Variants in EMSY observed in about 807,000 individuals in gnomAD.
EMSY encodes the protein BRCA2-interacting transcriptional repressor EMSY.
Under a neutral mutation model 134.6 loss-of-function variants are expected in EMSY, and 26 were observed. The observed-to-expected ratio is 0.19, with a 90% confidence interval of 0.14 to 0.27. The LOEUF is 0.27. EMSY is among the 10% of genes least tolerant of loss of function. The pLI, the probability that EMSY is intolerant of heterozygous loss-of-function variation, is 1.00. For synonymous variants in EMSY, 579 were observed against 577.8 expected (o/e 1.00, Z -0.03); for missense variants, 1,305 against 1,611.4 (o/e 0.81, Z 3.26).
chr11:76,513,240 A>G, intron 9 of EMSY, 146 bp from the exon 11 acceptor site: 1 of 576,990 alleles, frequency 1.7e-6, no homozygotes, highest in Non-Finnish European at 2.7e-6. Flanking sequence ...TTGAGGAATA[A>G]AAGTTTAGAG....
intron 1 of EMSY, 36 bp from the exon 2 acceptor site, chr11:76,446,864 C>G: frequency 2.1e-6 from 3 of 1,451,708 alleles, no homozygotes; most frequent in Non-Finnish European, 2.9e-6. Flanking sequence ...TACTTTGGTA[C>G]TTTGGTAATT....
intron 10 of EMSY, 22 bp from the exon 12 acceptor site, chr11:76,516,120 T>TTTGGCTTTTCCC (rs751503248): frequency 6.3e-7 from 1 of 1,596,684 alleles, no homozygotes; most frequent in African/African-American, 1.3e-5. Context: ...AAGTTTTTCT[T>TTTGGCTTTTCCC]TTGGCTTTTC....
At chr11:76,527,234 C>CATGCT (rs1950876720) in intron 13 of EMSY, among the ~76,000 whole-genome samples, 1 of 151,908 alleles carries the variant, frequency 6.6e-6, no homozygotes. Context: ...TGAGAAATGC[C>CATGCT]ATCCTAGAAT....
intron 3 of EMSY, 119 bp downstream of exon 3, chr11:76,452,076 G>A (rs1353404314): frequency 3.4e-6 from 2 of 595,808 alleles, no homozygotes; most frequent in Non-Finnish European, 2.8e-6. Context: ...TGTTCAAATT[G>A]TTGGTGCTAA....
In EMSY at chr11:76,545,859, GC is replaced by G; in HGVS notation, c.3338del (p.Pro1113LeufsTer7). On this transcript the variant is annotated frameshift_variant, in exon 20 of 21. Coordinates refer to ENST00000334736, the Ensembl canonical transcript of EMSY. LOFTEE classifies it high-confidence loss of function. ...CAAAGATAACTTTTGAGGGGCGCCAGCCTCCCACAGTTACAAAGATAACTGG... is the reference window on the plus strand; with the variant it reads ...CAAAGATAACTTTTGAGGGGCGCCAGCTCCCACAGTTACAAAGATAACTGG... The G allele has an allele frequency of 6.2e-7, 1 of 1,614,060 alleles. No homozygotes were observed. The highest frequency in any genetic ancestry group is 8.5e-7 in the Non-Finnish European group (1 of 1,179,934).
At chr11:76,472,516 T>G in intron 7 of EMSY, 48 bp from the exon 9 acceptor site, 5 of 1,518,114 alleles carry the variant, frequency 3.3e-6, no homozygotes, top group Non-Finnish European at 4.5e-6. Context: ...TCTAGATACA[T>G]TAGTAGTTTA....
chr11:76,549,821 C>T (rs1367258130), intron 20 of EMSY, 131 bp from the exon 22 acceptor site: 2 of 730,458 alleles, frequency 2.7e-6, no homozygotes, highest in East Asian at 2.7e-5. Flanking sequence ...TGCACAGTGC[C>T]TGGCATGTAG....
At chr11:76,502,765 A>G (rs1949923046) in intron 9 of EMSY, among the ~76,000 whole-genome samples, 1 of 152,182 alleles carries the variant, frequency 6.6e-6, no homozygotes, top group Non-Finnish European at 1.5e-5. Flanking sequence ...TCTGAAAACT[A>G]CAAAACATTG....
exon 19 of EMSY, chr11:76,544,289 C>T: frequency 6.2e-7 from 1 of 1,613,872 alleles, no homozygotes. Context: ...TTTTACCAAA[C>T]ACAGCGAGGA....
chr11:76,521,224 A>C (rs150626042), intron 11 of EMSY, among the ~76,000 whole-genome samples: 1 of 152,328 alleles, frequency 6.6e-6, no homozygotes, highest in East Asian at 1.9e-4. Flanking sequence ...ATTAGATCAA[A>C]ATGGTAGATT....
intron 9 of EMSY, among the ~76,000 whole-genome samples, chr11:76,508,352 T>TC (rs1404906009): frequency 6.6e-6 from 1 of 152,008 alleles, no homozygotes; most frequent in African/African-American, 2.4e-5. Context: ...TCTTTTTTTT[T>TC]TTTTATGAGC....
chr11:76,470,405 C>T (rs1190935772), intron 7 of EMSY, among the ~76,000 whole-genome samples: 3 of 152,156 alleles, frequency 2.0e-5, no homozygotes, highest in South Asian at 2.1e-4. Flanking sequence ...AATAATAGTA[C>T]ACGTATCATA....
chr11:76,455,798 AAC>A (rs1947848242), intron 4 of EMSY, among the ~76,000 whole-genome samples: 1 of 152,204 alleles, frequency 6.6e-6, no homozygotes, highest in Admixed American at 6.5e-5. Flanking sequence ...TTACAGTATT[AAC>A]GCCTTGGATG....
intron 8 of EMSY, among the ~76,000 whole-genome samples, chr11:76,495,880 G>A (rs918927509): frequency 2.6e-5 from 4 of 152,058 alleles, no homozygotes; most frequent in Non-Finnish European, 5.9e-5. Flanking sequence ...TATTCACATT[G>A]AGAACCTACA....
At chr11:76,478,006 T>C (rs906081920) in intron 8 of EMSY, among the ~76,000 whole-genome samples, 4 of 152,206 alleles carry the variant, frequency 2.6e-5, no homozygotes, top group African/African-American at 7.2e-5. Context: ...TTGACCCATC[T>C]TCAACCTAAC....
At chr11:76,524,316 A>G (rs1425734466) in intron 12 of EMSY, among the ~76,000 whole-genome samples, 1 of 151,954 alleles carries the variant, frequency 6.6e-6, no homozygotes, top group Non-Finnish European at 1.5e-5. Flanking sequence ...TCAATCATTG[A>G]TTTTCTTCTT....
intron 15 of EMSY, among the ~76,000 whole-genome samples, chr11:76,536,342 C>T (rs1951224151): frequency 1.3e-5 from 2 of 152,060 alleles, no homozygotes; most frequent in South Asian, 4.1e-4. Context: ...TTAAAATGGA[C>T]AGTCCTATTG....
chr11:76,549,023 A>C (rs1285140979), intron 20 of EMSY, among the ~76,000 whole-genome samples: 1 of 152,256 alleles, frequency 6.6e-6, no homozygotes, highest in Non-Finnish European at 1.5e-5. Context: ...TAAGAGTAAG[A>C]AACAATTTAA....
At chr11:76,469,576 G>GTA (rs1448630191) in intron 7 of EMSY, among the ~76,000 whole-genome samples, 10 of 152,202 alleles carry the variant, frequency 6.6e-5, no homozygotes, top group Non-Finnish European at 1.5e-4. Flanking sequence ...GTAGTAATAA[G>GTA]CTACTAATAA....
Sources: allele counts gnomAD v4.1 joint callset (sites outside exome capture counted in the v4.1 genomes callset), GRCh38; gene constraint gnomAD v4.1.1; transcripts MANE v1.5; gene names NCBI Gene and HGNC (gene_info 2026-07-23, HGNC 2026-07-21).